The following OPRM1 variants were observed in gnomAD, a reference collection of about 807,000 sequenced individuals.
OPRM1 encodes mu-type opioid receptor.
Under a neutral mutation model 31.8 loss-of-function variants are expected in OPRM1, and 27 were observed. The ratio of observed to expected loss-of-function variants is 0.85; its 90% CI spans 0.63 to 1.17. The LOEUF (loss-of-function observed/expected upper bound fraction) is 1.17, where lower values mean the gene tolerates loss of function less well. Among genes scored for constraint, OPRM1 ranks in the 50% most tolerant of loss-of-function variants. The pLI, the probability that OPRM1 is intolerant of heterozygous loss-of-function variation, is 0.00. For synonymous variants in OPRM1, 196 were observed against 189.9 expected (o/e 1.03, Z -0.26); for missense variants, 536 against 511.1 (o/e 1.05, Z -0.47).
intron 1 of OPRM1, among the ~76,000 whole-genome samples, chr6:154,081,837 C>T (rs1239446462): frequency 6.6e-6 from 1 of 152,148 alleles, no homozygotes; most frequent in East Asian, 1.9e-4. Context: ...GGGAGAAAAG[C>T]CTCAAATACT....
At chr6:154,180,690 T>C (rs1254739126) in intron 3 of OPRM1, among the ~76,000 whole-genome samples, 1 of 152,124 alleles carries the variant, frequency 6.6e-6, no homozygotes, top group Non-Finnish European at 1.5e-5. Context: ...TTATTTTTGG[T>C]CTTTCCTTGT....
chr6:154,017,392 T>G (rs1037759380), intron 1 of OPRM1, among the ~76,000 whole-genome samples: 1 of 152,188 alleles, frequency 6.6e-6, no homozygotes, highest in Non-Finnish European at 1.5e-5. Context: ...CAGGTATTTA[T>G]GATGGACAGC....
chr6:154,152,487 C>T (rs1274073756), intron 3 of OPRM1, among the ~76,000 whole-genome samples: 1 of 151,920 alleles, frequency 6.6e-6, no homozygotes, highest in Non-Finnish European at 1.5e-5. Flanking sequence ...TCAGAAAAGC[C>T]CCCTCACACT....
rs1257286480 is a variant in OPRM1 at position 154,106,339 on chromosome 6, G to A, written c.1165-12344G>A. Among the ~76,000 whole-genome samples, 4 of 152,142 alleles carry A rather than the reference G, an allele frequency of 2.6e-5. No homozygotes were observed. The East Asian group carries it at 7.7e-4, about 29-fold the overall frequency. Reference sequence around the variant, plus strand: ...AAACCTTGGTAAATTTGAGATTTTAGTTGTGTGCTAGGTGTGAAGCCTGGC... The same window carrying A: ...AAACCTTGGTAAATTTGAGATTTTAATTGTGTGCTAGGTGTGAAGCCTGGC... On this transcript the variant is annotated intron_variant, in intron 3 of 3. Coordinates refer to ENST00000330432, the MANE Select transcript of OPRM1 (RefSeq NM_000914.5).
At chr6:154,040,808 T>G (rs1399032970) in intron 1 of OPRM1, among the ~76,000 whole-genome samples, 1 of 152,244 alleles carries the variant, frequency 6.6e-6, no homozygotes, top group Non-Finnish European at 1.5e-5. Context: ...CCGGTATATT[T>G]GGCAGAGTGT....
chr6:154,146,088 A>C (rs1465446217), intron 3 of OPRM1, among the ~76,000 whole-genome samples: 1 of 152,238 alleles, frequency 6.6e-6, no homozygotes, highest in African/African-American at 2.4e-5. Flanking sequence ...CATTTGGTTA[A>C]CTTAGATATT....
At position 154,128,206 on chromosome 6, in the gene OPRM1, G is replaced by T. The variant is rs1461557640; in HGVS notation, c.*9485G>T. ...GGGGAAAATAACAATAAGAAAAACT[G>T]GTGTTTACCTGAAGATCTGCCCAGT... On this transcript the variant is annotated 3_prime_UTR_variant, in exon 4 of 4. Coordinates refer to ENST00000330432, the MANE Select transcript of OPRM1 (RefSeq NM_000914.5). 6.6e-6 allele frequency among the ~76,000 whole-genome samples: 1 copy of T among 152,058 alleles called. No individual in the cohort carries two copies. The highest frequency in any genetic ancestry group is 1.5e-5 in the Non-Finnish European group (1 of 68,006).
intron 3 of OPRM1, among the ~76,000 whole-genome samples, chr6:154,114,424 T>G (rs960602738): frequency 7.2e-5 from 11 of 151,996 alleles, no homozygotes; most frequent in African/African-American, 2.7e-4. Context: ...TAAGCCCAAT[T>G]TCTCTGCAGA....
In OPRM1 at chr6:154,131,515, A is replaced by C. The variant is rs1172429269; in HGVS notation, c.*12794A>C. On this transcript the variant is annotated 3_prime_UTR_variant, in exon 4 of 4. Coordinates refer to ENST00000330432, the MANE Select transcript of OPRM1 (RefSeq NM_000914.5). ...TCCTTGACAGTGTTGGGGGTGAAAT[A>C]AAAGATAGACCCCTGCTGCTCTGCA... 1.3e-5 allele frequency among the ~76,000 whole-genome samples: 2 copies of C among 152,234 alleles called. No individual in the cohort carries two copies. The highest frequency in any genetic ancestry group is 4.8e-5 in the African/African-American group (2 of 41,464).
chr6:154,149,535 C>A (rs1436167909), intron 3 of OPRM1, among the ~76,000 whole-genome samples: 1 of 151,888 alleles, frequency 6.6e-6, no homozygotes, highest in Non-Finnish European at 1.5e-5. Context: ...CAAAACTGAA[C>A]AAGGGATTGT....
chr6:154,052,157 G>A (rs1352614283), intron 1 of OPRM1, among the ~76,000 whole-genome samples: 2 of 151,992 alleles, frequency 1.3e-5, no homozygotes, highest in Non-Finnish European at 2.9e-5. Flanking sequence ...GAGAGGAACA[G>A]CACACACTGG....
chr6:154,027,284 C>CTTGTTTGTTTGTTTAT (rs1554254966), intron 1 of OPRM1, among the ~76,000 whole-genome samples: 9 of 151,584 alleles, frequency 5.9e-5, no homozygotes, highest in Admixed American at 5.3e-4. Flanking sequence ...TCTTGTGTTT[C>CTTGTTTGTTTGTTTAT]TTGTTTGTTT....
chr6:154,044,044 A>C (rs1371918642), intron 1 of OPRM1, among the ~76,000 whole-genome samples: 1 of 152,050 alleles, frequency 6.6e-6, no homozygotes, highest in African/African-American at 2.4e-5. Flanking sequence ...CTGATATTTT[A>C]TGAAACATCT....
chr6:154,017,827 A>G (rs1005179892), intron 1 of OPRM1, among the ~76,000 whole-genome samples: 2 of 152,226 alleles, frequency 1.3e-5, no homozygotes, highest in African/African-American at 2.4e-5. Context: ...AAAAAGTCAA[A>G]TAAGACCATT....
At chr6:154,039,152 C>T (rs774998001), upstream of OPRM1, 3 of 1,550,600 alleles carry the variant, frequency 1.9e-6, no homozygotes, top group Non-Finnish European at 1.7e-6. Context: ...CTCCATCTCC[C>T]TCCTTTAGAT....
At chr6:154,155,364 G>C (rs1384358566) in intron 3 of OPRM1, 1 of 152,208 alleles carries the variant, frequency 6.6e-6, no homozygotes, top group Non-Finnish European at 1.5e-5. Flanking sequence ...GAAATTGGAA[G>C]AGAAATAAAT....
At chr6:154,108,101 G>A (rs747157195) in intron 3 of OPRM1, 30 of 618,802 alleles carry the variant, frequency 4.8e-5, no homozygotes, top group Non-Finnish European at 7.6e-5. Context: ...TTCCCTGAGC[G>A]GCCCTAGTGA....
At chr6:154,089,643 T>C in intron 1 of OPRM1, 183 bp from the exon 2 acceptor site, 1 of 575,864 alleles carries the variant, frequency 1.7e-6, no homozygotes, top group Non-Finnish European at 3.1e-6. Flanking sequence ...TTATTGCAGC[T>C]ATTTAGCCAA....
At chr6:154,029,851 C>T (rs545803652) in intron 1 of OPRM1, among the ~76,000 whole-genome samples, 100 of 152,244 alleles carry the variant, frequency 6.6e-4, no homozygotes, top group Non-Finnish European at 8.2e-4. Flanking sequence ...TTCTCCTTGC[C>T]GCTGCCATGT....
Sources: gnomAD v4.1 joint callset for allele counts (sites outside exome capture counted in the v4.1 genomes callset) on GRCh38, gnomAD v4.1.1 for gene constraint, MANE v1.5 for transcripts, NCBI Gene and HGNC (gene_info 2026-07-23, HGNC 2026-07-21) for gene names.